SERGEF: variants seen among roughly 807,000 people sequenced by gnomAD.
SERGEF encodes the protein secretion regulating guanine nucleotide exchange factor, also known as secretion-regulating guanine nucleotide exchange factor.
SERGEF carries 51 observed loss-of-function variants against 50.0 expected under a neutral mutation model. The observed-to-expected ratio is 1.02, with a 90% confidence interval of 0.81 to 1.29. SERGEF has a LOEUF of 1.29. Among genes scored for constraint, SERGEF ranks in the 50% most tolerant of loss-of-function variants. The pLI is 0.00. For missense variants in SERGEF, 521 were observed against 557.0 expected, an observed-to-expected ratio of 0.94 and a Z score of 0.65; for synonymous variants, 205 against 212.4, an observed-to-expected ratio of 0.97 and a Z score of 0.30.
rs535204506 is a variant in SERGEF, at chr11:17,804,440, C to A, written c.1049-16027G>T. 4.1e-4 allele frequency among the ~76,000 whole-genome samples: 62 copies of A among 152,298 alleles called. No individual in the cohort carries two copies. The South Asian group carries it at 0.013, about 31-fold the overall frequency. On this transcript the variant is annotated intron_variant, in intron 10 of 10. Coordinates refer to ENST00000265965, the MANE Select transcript of SERGEF (RefSeq NM_012139.4). ...AGACCATAGTTTGGGAACCACTGGACAAAATGATTTCTAGAGGCTTCCCTA... is the reference window on the plus strand; with the variant it reads ...AGACCATAGTTTGGGAACCACTGGAAAAAATGATTTCTAGAGGCTTCCCTA...
chr11:17,970,368 T>C (rs1375940825), intron 8 of SERGEF, among the ~76,000 whole-genome samples: 1 of 150,194 alleles, frequency 6.7e-6, no homozygotes, highest in Non-Finnish European at 1.5e-5. Context: ...CTTAATCGAT[T>C]GTGTTCTGAC....
intron 5 of SERGEF, among the ~76,000 whole-genome samples, chr11:17,998,436 CATACATATATATATATATAT>C (rs1224091645): frequency 1.3e-3 from 62 of 46,276 alleles, no homozygotes; most frequent in South Asian, 3.7e-3. Flanking sequence ...TACATACATA[CATACATATATATATATATAT>C]ATATATATAT....
At chr11:17,983,318 C>A (rs934171755) in intron 8 of SERGEF, among the ~76,000 whole-genome samples, 8 of 152,222 alleles carry the variant, frequency 5.3e-5, no homozygotes, top group African/African-American at 1.9e-4. Flanking sequence ...AAGCACTGAT[C>A]TTTCTGCACT....
chr11:17,825,262 G>C lies in SERGEF; in HGVS notation c.1049-36849C>G, dbSNP rs12273284. 2.1e-3 allele frequency among the ~76,000 whole-genome samples: 313 copies of C among 152,216 alleles called. 1 individual carries two copies. Among genetic ancestry groups the C allele is most frequent in the African/African-American group, 7.2e-3 (299 of 41,516 alleles). The stretch of plus-strand genomic sequence containing the variant: ...TACTTACTCTAAGCTCATCTCCTTT[G>C]AAAGGGTATTCCTATAATACAGTAA... On this transcript the variant is annotated intron_variant, in intron 10 of 10. Coordinates refer to ENST00000265965, the MANE Select transcript of SERGEF (RefSeq NM_012139.4).
chr11:17,994,846 C>T (rs1043775878), intron 6 of SERGEF, among the ~76,000 whole-genome samples: 1 of 152,080 alleles, frequency 6.6e-6, no homozygotes, highest in East Asian at 1.9e-4. Flanking sequence ...CCAATTACAT[C>T]ACTCCCACTG....
chr11:17,808,647 G>A (rs941649991), intron 10 of SERGEF, among the ~76,000 whole-genome samples: 1 of 152,166 alleles, frequency 6.6e-6, no homozygotes, highest in Non-Finnish European at 1.5e-5. Flanking sequence ...ACCTTAAGAC[G>A]CTTGCTGTCA....
chr11:17,968,626 C>A (rs1853181387), intron 8 of SERGEF, among the ~76,000 whole-genome samples: 1 of 151,648 alleles, frequency 6.6e-6, no homozygotes, highest in South Asian at 2.1e-4. Context: ...ATTGCTTAAG[C>A]CTAGGAATTC....
intron 10 of SERGEF, among the ~76,000 whole-genome samples, chr11:17,825,585 C>T (rs1850179108): frequency 1.3e-5 from 2 of 152,176 alleles, no homozygotes; most frequent in South Asian, 4.1e-4. Flanking sequence ...CAACGTTCCT[C>T]TAAATTCTAT....
intron 10 of SERGEF, among the ~76,000 whole-genome samples, chr11:17,791,643 T>A (rs541962959): frequency 6.6e-6 from 1 of 152,364 alleles, no homozygotes; most frequent in South Asian, 2.1e-4. Flanking sequence ...AAGAGCCAGA[T>A]GAACTGGGTT....
chr11:17,788,080 C>G lies in SERGEF; in HGVS notation c.*5G>C. The G allele has an allele frequency of 6.6e-7, 1 of 1,512,494 alleles. No homozygotes were observed. Among genetic ancestry groups the G allele is most frequent in the Non-Finnish European group, 8.9e-7 (1 of 1,128,590 alleles). The allele number at this position is 1,512,494 out of a possible 1,614,324, so 93.7% of individuals were successfully genotyped here. On this transcript the variant is annotated 3_prime_UTR_variant, in exon 11 of 11. Transcript: ENST00000265965. ...GGGAAAAGCCACTTTATTAAAGATT[C>G]TCTATCACAGTCCCCCATTTCTGGA...
chr11:18,006,976 T>TG (rs1854087364), intron 2 of SERGEF, among the ~76,000 whole-genome samples: 1 of 152,198 alleles, frequency 6.6e-6, no homozygotes, highest in East Asian at 1.9e-4. Context: ...GGTCAATCAA[T>TG]CACCAAACTG....
intron 9 of SERGEF, among the ~76,000 whole-genome samples, chr11:17,937,898 C>T (rs1852485301): frequency 6.6e-6 from 1 of 152,086 alleles, no homozygotes; most frequent in Admixed American, 6.6e-5. Context: ...GGATATGTTA[C>T]CCCATCCTTC....
intron 10 of SERGEF, among the ~76,000 whole-genome samples, chr11:17,803,990 T>C (rs747481397): frequency 1.2e-4 from 19 of 152,222 alleles, no homozygotes; most frequent in Non-Finnish European, 2.8e-4. Context: ...GCAGTTGTGG[T>C]ACCGGGGGAA....
chr11:17,835,820 T>G (rs1850387049), intron 10 of SERGEF, among the ~76,000 whole-genome samples: 2 of 152,266 alleles, frequency 1.3e-5, no homozygotes, highest in African/African-American at 4.8e-5. Context: ...GTTCTGTTTT[T>G]AGACGGCATA....
chr11:17,910,191 ACACT>A (rs1293301791), intron 9 of SERGEF, among the ~76,000 whole-genome samples: 1 of 132,654 alleles, frequency 7.5e-6, no homozygotes, highest in Non-Finnish European at 1.7e-5. Context: ...ACACACACAC[ACACT>A]CTCTCTCTCT....
intron 9 of SERGEF, among the ~76,000 whole-genome samples, chr11:17,949,796 T>A (rs1203977752): frequency 6.6e-6 from 1 of 152,116 alleles, no homozygotes; most frequent in African/African-American, 2.4e-5. Flanking sequence ...GGAAGGTGGA[T>A]AATGACACTA....
intron 9 of SERGEF, among the ~76,000 whole-genome samples, chr11:17,936,610 G>A (rs894195489): frequency 1.4e-4 from 21 of 152,040 alleles, no homozygotes; most frequent in African/African-American, 5.1e-4. Context: ...GTAATACGAA[G>A]CTTCCTGCTC....
intron 10 of SERGEF, among the ~76,000 whole-genome samples, chr11:17,789,986 A>AAAAC (rs1172825560): frequency 9.2e-5 from 14 of 152,242 alleles, no homozygotes; most frequent in Non-Finnish European, 1.9e-4. Flanking sequence ...CTTTGTCTCA[A>AAAAC]AAACAAACAA....
intron 10 of SERGEF, among the ~76,000 whole-genome samples, chr11:17,797,371 A>G (rs192015244): frequency 6.6e-6 from 1 of 152,326 alleles, no homozygotes; most frequent in Admixed American, 6.5e-5. Context: ...CTCAAACAGT[A>G]CTTGCCTCAG....
Sources: allele counts gnomAD v4.1 joint callset (sites outside exome capture counted in the v4.1 genomes callset), GRCh38; gene constraint gnomAD v4.1.1; transcripts MANE v1.5; gene names NCBI Gene and HGNC (gene_info 2026-07-23, HGNC 2026-07-21).